Variants in COPG2 observed in about 807,000 individuals in gnomAD.
COPG2 encodes the protein coat protein complex I subunit gamma 2, also known as coatomer subunit gamma-2.
In COPG2, 37 loss-of-function variants were observed where a neutral mutation model predicts 46.3. The observed-to-expected ratio is 0.80, with a 90% CI of 0.61 to 1.05. COPG2 has a LOEUF of 1.05. Among genes scored for constraint, COPG2 ranks in the 50% least tolerant of loss-of-function variants. COPG2 has a pLI of 0.00. For synonymous variants in COPG2, 159 were observed against 129.7 expected (o/e 1.23, Z -1.53); for missense variants, 427 against 387.8 (o/e 1.10, Z -0.85).
chr7:130,608,039 T>C, intron 9 of COPG2: 4 of 339,156 alleles, frequency 1.2e-5, no homozygotes, highest in South Asian at 1.0e-4. Flanking sequence ...TACACCATTA[T>C]TGGAAGGAGG....
At chr7:130,512,228 C>T (rs942639722) in intron 20 of COPG2, among the ~76,000 whole-genome samples, 1 of 151,250 alleles carries the variant, frequency 6.6e-6, no homozygotes, top group Non-Finnish European at 1.5e-5. Context: ...CACAACTCTC[C>T]TTGTTAATAT....
intron 5 of COPG2, among the ~76,000 whole-genome samples, chr7:130,619,178 T>C (rs2116518525): frequency 6.6e-6 from 1 of 152,292 alleles, no homozygotes; most frequent in Non-Finnish European, 1.5e-5. Context: ...AAATGTTCCA[T>C]CATTCAGCAT....
At chr7:130,571,845 CTA>C (rs797032340) in intron 9 of COPG2, among the ~76,000 whole-genome samples, 14 of 148,762 alleles carry the variant, frequency 9.4e-5, no homozygotes, top group Admixed American at 2.7e-4. Context: ...CTCTCTCTCT[CTA>C]TATATATATA....
intron 9 of COPG2, 43 bp from the exon 10 acceptor site, chr7:130,564,436 G>C (rs1400796496): frequency 2.5e-6 from 1 of 398,140 alleles, no homozygotes; most frequent in Non-Finnish European, 4.4e-6. Flanking sequence ...ATATCAAATA[G>C]AGAGGCAATA....
At chr7:130,575,801 C>T (rs1332178748) in intron 9 of COPG2, among the ~76,000 whole-genome samples, 1 of 152,160 alleles carries the variant, frequency 6.6e-6, no homozygotes, top group East Asian at 1.9e-4. Context: ...TGGATAACAA[C>T]TCACCAACCA....
chr7:130,660,615 G>A (rs1554460598), intron 4 of COPG2, among the ~76,000 whole-genome samples: 1 of 152,056 alleles, frequency 6.6e-6, no homozygotes, highest in African/African-American at 2.4e-5. Context: ...CTTGTTCACT[G>A]TCTCTCCAGT....
At chr7:130,643,187 C>G (rs1355584196) in intron 5 of COPG2, among the ~76,000 whole-genome samples, 1 of 151,420 alleles carries the variant, frequency 6.6e-6, no homozygotes, top group Non-Finnish European at 1.5e-5. Flanking sequence ...CCCAGCTACT[C>G]GGGAGGCTGA....
chr7:130,610,500 C>A (rs782484046), intron 9 of COPG2: 1 of 518,094 alleles, frequency 1.9e-6, no homozygotes, highest in Non-Finnish European at 3.9e-6. Context: ...CAAAAGATTT[C>A]TCATTCCTGC....
chr7:130,532,089 T>G (rs1313986165), intron 20 of COPG2, among the ~76,000 whole-genome samples: 3 of 151,738 alleles, frequency 2.0e-5, no homozygotes, highest in Non-Finnish European at 2.9e-5. Flanking sequence ...CGGGCAGACA[T>G]GTAGAGTGAG....
chr7:130,533,080 C>T (rs1799844747), intron 20 of COPG2, among the ~76,000 whole-genome samples: 1 of 151,880 alleles, frequency 6.6e-6, no homozygotes, highest in East Asian at 1.9e-4. Context: ...GAGGTGTTTC[C>T]CAATGGGCAA....
chr7:130,622,622 T>C (rs1160310086), intron 5 of COPG2, among the ~76,000 whole-genome samples: 7 of 152,184 alleles, frequency 4.6e-5, no homozygotes, highest in African/African-American at 1.7e-4. Flanking sequence ...GGAACATAGT[T>C]CAATCCTTGC....
chr7:130,585,812 A>C (rs1437232553), intron 9 of COPG2, among the ~76,000 whole-genome samples: 1 of 152,072 alleles, frequency 6.6e-6, no homozygotes, highest in East Asian at 1.9e-4. Flanking sequence ...AAAAATCAAA[A>C]AACAGTACAT....
intron 20 of COPG2, among the ~76,000 whole-genome samples, chr7:130,516,168 G>T (rs1799676232): frequency 6.6e-6 from 1 of 152,166 alleles, no homozygotes. Context: ...AGACGAGAAG[G>T]CATCACTTAG....
intron 20 of COPG2, among the ~76,000 whole-genome samples, chr7:130,514,153 G>A (rs1799655311): frequency 6.6e-6 from 1 of 151,924 alleles, no homozygotes; most frequent in Admixed American, 6.6e-5. Flanking sequence ...AAGAACAAGT[G>A]CTTGAAAAGT....
At chr7:130,644,208 A>G (rs1419130709) in intron 5 of COPG2, among the ~76,000 whole-genome samples, 9 of 152,170 alleles carry the variant, frequency 5.9e-5, no homozygotes, top group Non-Finnish European at 1.0e-4. Context: ...TTGGGGGTGG[A>G]AAGGGCTACT....
intron 5 of COPG2, among the ~76,000 whole-genome samples, chr7:130,622,858 G>A (rs979210480): frequency 6.6e-6 from 1 of 152,174 alleles, no homozygotes; most frequent in East Asian, 1.9e-4. Flanking sequence ...AGGCAAGAAA[G>A]CACCAAAATA....
chr7:130,537,783 G>A (rs988544556), intron 20 of COPG2, among the ~76,000 whole-genome samples: 1 of 152,244 alleles, frequency 6.6e-6, no homozygotes, highest in Non-Finnish European at 1.5e-5. Context: ...AAGGGGCGAA[G>A]TGTTTGATGC....
At chr7:130,629,560 A>G (rs905854715) in intron 5 of COPG2, among the ~76,000 whole-genome samples, 5 of 151,450 alleles carry the variant, frequency 3.3e-5, no homozygotes, top group Admixed American at 2.0e-4. Context: ...ATGCCTGGCT[A>G]ATTTTTTGTA....
intron 5 of COPG2, among the ~76,000 whole-genome samples, chr7:130,636,690 T>C (rs1242912846): frequency 3.9e-5 from 6 of 152,150 alleles, no homozygotes; most frequent in African/African-American, 1.2e-4. Flanking sequence ...TGCCAGTCTG[T>C]GTCTTTCCAC....
Sources: allele counts gnomAD v4.1 joint callset (sites outside exome capture counted in the v4.1 genomes callset), GRCh38; gene constraint gnomAD v4.1.1; transcripts MANE v1.5; gene names NCBI Gene and HGNC (gene_info 2026-07-23, HGNC 2026-07-21).